LEPR: variants seen among roughly 807,000 people sequenced by gnomAD.
LEPR encodes OB receptor.
Under a neutral mutation model 114.7 loss-of-function variants are expected in LEPR, and 56 were observed. That is an observed-to-expected ratio of 0.49 (90% CI 0.39 to 0.61). The LOEUF is 0.61. Among genes scored for constraint, LEPR ranks in the 20% least tolerant of loss-of-function variants. The pLI is 0.00. For synonymous variants in LEPR, 443 were observed against 461.4 expected (o/e 0.96, Z 0.51); for missense variants, 1,202 against 1,352.9 (o/e 0.89, Z 1.75).
At chr1:65,505,934 A>T (rs994982375) in intron 2 of LEPR, among the ~76,000 whole-genome samples, 6 of 152,182 alleles carry the variant, frequency 3.9e-5, no homozygotes, top group Admixed American at 1.3e-4. Context: ...AAGCCAAGAT[A>T]ACGTCTTGCC....
chr1:65,453,194 C>T (rs1229252830), intron 2 of LEPR, among the ~76,000 whole-genome samples: 1 of 152,038 alleles, frequency 6.6e-6, no homozygotes, highest in African/African-American at 2.4e-5. Context: ...GTCTTGTTAG[C>T]AGTCTATCAA....
intron 5 of LEPR, among the ~76,000 whole-genome samples, chr1:65,587,251 G>A (rs1164246199): frequency 1.3e-5 from 2 of 151,934 alleles, no homozygotes; most frequent in African/African-American, 2.4e-5. Context: ...GAATGTTTCC[G>A]ACATAAAACA....
At chr1:65,608,245 T>C (rs1378375733) in intron 11 of LEPR, among the ~76,000 whole-genome samples, 1 of 151,796 alleles carries the variant, frequency 6.6e-6, no homozygotes, top group Non-Finnish European at 1.5e-5. Context: ...TTTTTTTTTT[T>C]TTTGAGACGG....
chr1:65,550,252 CG>C (rs934793265), intron 2 of LEPR, among the ~76,000 whole-genome samples: 4 of 152,166 alleles, frequency 2.6e-5, no homozygotes, highest in African/African-American at 7.2e-5. Flanking sequence ...TTAGGCTGCT[CG>C]GGGGTCAGGG....
chr1:65,513,273 A>C (rs1490184766), intron 2 of LEPR, among the ~76,000 whole-genome samples: 1 of 152,204 alleles, frequency 6.6e-6, no homozygotes, highest in Non-Finnish European at 1.5e-5. Flanking sequence ...CTCTGCCAAA[A>C]GGGAATAAAT....
intron 2 of LEPR, among the ~76,000 whole-genome samples, chr1:65,440,454 A>G (rs10889551): frequency 0.68 from 103,517 of 151,478 alleles, 36,442 homozygotes; most frequent in Middle Eastern, 0.8. Context: ...AAAAAGGAAG[A>G]AAGGGATGTA....
chr1:65,436,656 G>A (rs1357459988), intron 2 of LEPR, among the ~76,000 whole-genome samples: 1 of 152,178 alleles, frequency 6.6e-6, no homozygotes, highest in Non-Finnish European at 1.5e-5. Context: ...TAGGCAAAGT[G>A]GTCTTAATCC....
In LEPR at chr1:65,601,304, G is replaced by T. The variant is rs1231778951; in HGVS notation, c.995-88G>T. Reference sequence around the variant, plus strand: ...TTTTATTTTTGGCAGTGTAACTCTGGAATGTGTTGTGAATATTTTTCGATG... The same window carrying T: ...TTTTATTTTTGGCAGTGTAACTCTGTAATGTGTTGTGAATATTTTTCGATG... On this transcript the variant is annotated intron_variant, in intron 8 of 19. Coordinates refer to ENST00000349533, the MANE Select transcript of LEPR (RefSeq NM_002303.6). The T allele has an allele frequency of 2.7e-6, 4 of 1,482,170 alleles. No homozygotes were observed. The East Asian group carries it at 9.1e-5, about 34-fold the overall frequency. 91.8% of individuals were successfully genotyped at this position (1,482,170 alleles called of 1,614,324 possible). A position where few individuals can be genotyped will look rare whatever the true frequency, so the allele number is the denominator to read the frequency against.
In LEPR at chr1:65,487,740, G is replaced by A. The variant is rs1052715683; in HGVS notation, c.-21+62362G>A. Among the ~76,000 whole-genome samples the A allele has an allele frequency of 1.2e-4, 18 of 151,446 alleles. 1 individual carries two copies. Among genetic ancestry groups the A allele is most frequent in the South Asian group, 4.2e-4 (2 of 4,806 alleles). ...TAAAATTATCTTAGGTACATAATAG[G>A]TATATATATATTTATGGGCACATGT... On this transcript the variant is annotated intron_variant, in intron 2 of 19. Coordinates refer to ENST00000349533, the MANE Select transcript of LEPR (RefSeq NM_002303.6).
intron 2 of LEPR, among the ~76,000 whole-genome samples, chr1:65,463,829 A>G (rs187823863): frequency 6.6e-6 from 1 of 152,060 alleles, no homozygotes; most frequent in East Asian, 1.9e-4. Context: ...CTGTGTGTCT[A>G]TTATTGGTGT....
intron 2 of LEPR, among the ~76,000 whole-genome samples, chr1:65,557,842 G>A (rs542599250): frequency 6.6e-6 from 1 of 152,276 alleles, no homozygotes; most frequent in South Asian, 2.1e-4. Flanking sequence ...CTTCAAGGTT[G>A]TGTCTATGTC....
At chr1:65,480,184 T>C (rs1647205545) in intron 2 of LEPR, among the ~76,000 whole-genome samples, 1 of 152,100 alleles carries the variant, frequency 6.6e-6, no homozygotes, top group South Asian at 2.1e-4. Context: ...AGGTCTTGCC[T>C]TGTTCAAGAA....
intron 2 of LEPR, among the ~76,000 whole-genome samples, chr1:65,459,340 C>G (rs1345531099): frequency 6.6e-6 from 1 of 152,092 alleles, no homozygotes; most frequent in African/African-American, 2.4e-5. Context: ...GAAAGACTAG[C>G]TGGGAAGTGT....
In LEPR at chr1:65,617,571, A is replaced by C. The variant is rs372966403; in HGVS notation, c.2213-393A>C. 1.8e-4 allele frequency among the ~76,000 whole-genome samples: 27 copies of C among 152,352 alleles called. No homozygotes were observed. The East Asian group carries it at 5.0e-3, about 28-fold the overall frequency. On this transcript the variant is annotated intron_variant, in intron 15 of 19. Transcript: ENST00000349533. Reference sequence around the variant, plus strand: ...TGATAGGAATTTTACCCTCAAATGTAGAAATCCGCTGGAGGCTTTTAAGTG... The same window carrying C: ...TGATAGGAATTTTACCCTCAAATGTCGAAATCCGCTGGAGGCTTTTAAGTG...
chr1:65,470,244 C>T (rs1647066784), intron 2 of LEPR, among the ~76,000 whole-genome samples: 8 of 152,194 alleles, frequency 5.3e-5, no homozygotes, highest in Admixed American at 5.2e-4. Context: ...AATAACTACT[C>T]CTACCTCACC....
At chr1:65,581,092 T>G (rs914161882) in intron 5 of LEPR, among the ~76,000 whole-genome samples, 2 of 152,206 alleles carry the variant, frequency 1.3e-5, no homozygotes, top group African/African-American at 4.8e-5. Flanking sequence ...TCCATGTGAT[T>G]AATCTTCAGT....
chr1:65,452,643 T>C (rs1570474434), intron 2 of LEPR, among the ~76,000 whole-genome samples: 1 of 151,168 alleles, frequency 6.6e-6, no homozygotes, highest in East Asian at 2.0e-4. Flanking sequence ...TTGATCATGG[T>C]GGATAAGCTT....
chr1:65,441,320 G>T (rs1646645781), intron 2 of LEPR, among the ~76,000 whole-genome samples: 3 of 152,106 alleles, frequency 2.0e-5, no homozygotes, highest in Admixed American at 2.0e-4. Flanking sequence ...AGTGATGGGG[G>T]ACAAGGGAGA....
chr1:65,544,748 A>C (rs1265265343), intron 2 of LEPR, among the ~76,000 whole-genome samples: 2 of 151,326 alleles, frequency 1.3e-5, no homozygotes, highest in African/African-American at 4.9e-5. Context: ...CAGCCTTAAA[A>C]CGGGGTGAAA....
Sources: gnomAD v4.1 joint callset for allele counts (sites outside exome capture counted in the v4.1 genomes callset) on GRCh38, gnomAD v4.1.1 for gene constraint, MANE v1.5 for transcripts, NCBI Gene and HGNC (gene_info 2026-07-23, HGNC 2026-07-21) for gene names.